IL7: variants seen among roughly 807,000 people sequenced by gnomAD.
The protein encoded by IL7 is interleukin-7.
IL7 carries 3 observed loss-of-function variants against 21.6 expected under a neutral mutation model. The ratio of observed to expected loss-of-function variants is 0.14; its 90% CI spans 0.06 to 0.36. IL7 has a LOEUF of 0.36. Ranked by LOEUF, IL7 falls within the 10% of genes least tolerant of loss-of-function variation. The pLI is 1.00. For synonymous variants in IL7, 62 were observed against 68.1 expected (o/e 0.91, Z 0.44); for missense variants, 175 against 200.2 (o/e 0.87, Z 0.76).
At chr8:78,768,252 G>C (rs903919144) in intron 2 of IL7, among the ~76,000 whole-genome samples, 2 of 152,116 alleles carry the variant, frequency 1.3e-5, no homozygotes, top group Non-Finnish European at 2.9e-5. Context: ...TGTCTTTATA[G>C]CAGCATGATT....
At chr8:78,757,804 C>T (rs1437409968) in intron 2 of IL7, among the ~76,000 whole-genome samples, 2 of 151,954 alleles carry the variant, frequency 1.3e-5, no homozygotes, top group Non-Finnish European at 2.9e-5. Context: ...TGTCCTCACC[C>T]AAATCTCATC....
intron 2 of IL7, chr8:78,746,902 T>A (rs1246696819): frequency 2.7e-6 from 1 of 370,584 alleles, no homozygotes; most frequent in African/African-American, 2.1e-5. Context: ...ACCCAATTTC[T>A]GTATTCTTTG....
intron 4 of IL7, among the ~76,000 whole-genome samples, chr8:78,682,462 CAA>C (rs759156179): frequency 2.0e-5 from 3 of 152,112 alleles, no homozygotes; most frequent in African/African-American, 7.2e-5. Flanking sequence ...TGGCGGCAGA[CAA>C]GAGCAGGGGA....
At chr8:78,710,784 A>G (rs1810927663) in intron 3 of IL7, among the ~76,000 whole-genome samples, 1 of 152,068 alleles carries the variant, frequency 6.6e-6, no homozygotes, top group Non-Finnish European at 1.5e-5. Flanking sequence ...TACTTAATAC[A>G]TTTATTTAAT....
chr8:78,710,190 G>A lies in IL7; in HGVS notation n.214+11158C>T, dbSNP rs1459938364. Among the ~76,000 whole-genome samples, 4 of 152,084 alleles carry A rather than the reference G, an allele frequency of 2.6e-5. No individual in the cohort carries two copies. In the East Asian group the frequency reaches 7.7e-4, roughly 29 times the overall value. Reference sequence around the variant, plus strand: ...AGATTTATAGATTTTGTTTTTGATAGCCTAATGGCAACTTAGAATGTAAGT... The same window carrying A: ...AGATTTATAGATTTTGTTTTTGATAACCTAATGGCAACTTAGAATGTAAGT... On this transcript the variant is annotated intron_variant and non_coding_transcript_variant, in intron 3 of 4. Coordinates refer to the IL7 transcript ENST00000523959.
At chr8:78,745,049 G>A (rs189962855) in intron 2 of IL7, among the ~76,000 whole-genome samples, 3 of 152,128 alleles carry the variant, frequency 2.0e-5, no homozygotes, top group African/African-American at 4.8e-5. Flanking sequence ...GTATTTACTC[G>A]CCCTTTTGTC....
intron 2 of IL7, chr8:78,761,074 T>C: frequency 6.2e-7 from 1 of 1,610,208 alleles, no homozygotes; most frequent in Admixed American, 1.7e-5. Flanking sequence ...TGTCACTATT[T>C]ATACCATCTA....
chr8:78,760,418 T>A (rs41308465), intron 2 of IL7: 4 of 1,598,058 alleles, frequency 2.5e-6, no homozygotes, highest in East Asian at 2.2e-5. Flanking sequence ...AAACTTGATG[T>A]CAGGCAGTTG....
chr8:78,733,757 T>C lies in IL7; in HGVS notation c.490A>G (p.Lys164Glu). The C allele has an allele frequency of 6.2e-7, 1 of 1,602,256 alleles. No homozygotes were observed. Among genetic ancestry groups the C allele is most frequent in the South Asian group, 1.1e-5 (1 of 88,292 alleles). Residue 164 changes from lysine to glutamate, a missense_variant, in exon 6 of 6, where the codon AAA becomes GAA. Physicochemically the swap from Lys to Glu is moderately conservative, Grantham distance 56. Coordinates refer to ENST00000263851, the MANE Select transcript of IL7 (RefSeq NM_000880.4). ...CFLKRLLQEI[K>E]TCWNKILMGT... ...ATCAAAATTTTATTCCAACAAGTTTTTATCTCTTGTAATAGTCTCTTTAGG... is the reference window on the plus strand; with the variant it reads ...ATCAAAATTTTATTCCAACAAGTTTCTATCTCTTGTAATAGTCTCTTTAGG...
chr8:78,716,357 T>C (rs1481798866), downstream of IL7, among the ~76,000 whole-genome samples: 1 of 151,882 alleles, frequency 6.6e-6, no homozygotes, highest in Non-Finnish European at 1.5e-5. Flanking sequence ...TCTCCTGACC[T>C]CATGATCCAC....
intron 2 of IL7, among the ~76,000 whole-genome samples, chr8:78,750,098 G>A (rs763377002): frequency 6.6e-6 from 1 of 152,018 alleles, no homozygotes; most frequent in African/African-American, 2.4e-5. Context: ...CTAAACTCAA[G>A]GGTGACTATT....
At chr8:78,698,021 A>G (rs1810487035) in intron 3 of IL7, among the ~76,000 whole-genome samples, 1 of 151,950 alleles carries the variant, frequency 6.6e-6, no homozygotes, top group Admixed American at 6.6e-5. Context: ...TTGGCCCCAG[A>G]TGTTGTTATT....
intron 2 of IL7, chr8:78,746,803 G>C (rs1811993662): frequency 2.9e-6 from 1 of 341,246 alleles, no homozygotes; most frequent in Non-Finnish European, 5.7e-6. Context: ...CTGACTGATA[G>C]AGAACTATTG....
intron 2 of IL7, chr8:78,746,776 T>C (rs1811992850): frequency 6.0e-6 from 2 of 333,364 alleles, no homozygotes; most frequent in Admixed American, 4.2e-5. Context: ...TGTGTGTGTA[T>C]GTGTTTGTAG....
chr8:78,787,451 T>C (rs768204868), intron 2 of IL7, among the ~76,000 whole-genome samples: 5 of 152,212 alleles, frequency 3.3e-5, no homozygotes, highest in African/African-American at 4.8e-5. Context: ...CTATGTTGAT[T>C]GTTGTTGAGG....
intron 3 of IL7, among the ~76,000 whole-genome samples, chr8:78,697,765 G>A (rs952087525): frequency 6.0e-5 from 9 of 149,172 alleles, no homozygotes; most frequent in Non-Finnish European, 1.2e-4. Context: ...TGCAACCTTC[G>A]CCTCCCAGGT....
intron 3 of IL7, among the ~76,000 whole-genome samples, chr8:78,725,622 TG>T (rs1811326538): frequency 6.6e-6 from 1 of 152,042 alleles, no homozygotes. Context: ...GCTGTAGTAA[TG>T]GGGGATGTGT....
intron 4 of IL7, among the ~76,000 whole-genome samples, chr8:78,682,084 A>G (rs1809806867): frequency 6.6e-6 from 1 of 152,096 alleles, no homozygotes; most frequent in African/African-American, 2.4e-5. Context: ...GATTCAACAC[A>G]TAATTCTTGA....
chr8:78,781,260 T>A lies in IL7; in HGVS notation c.147+16812A>T, dbSNP rs114550353. On this transcript the variant is annotated intron_variant, in intron 2 of 5. Transcript: ENST00000263851. ...ATGTGTGCAGTTGATCTTGTCACCA[T>A]GATGCTAGCTGGTTATTTTACAGAC... Among the ~76,000 whole-genome samples, 989 of 152,334 alleles carry A rather than the reference T, an allele frequency of 6.5e-3. 13 individuals are homozygous for A. The highest frequency in any genetic ancestry group is 0.022 in the African/African-American group (901 of 41,564).
Sources: gnomAD v4.1 joint callset for allele counts (sites outside exome capture counted in the v4.1 genomes callset) on GRCh38, gnomAD v4.1.1 for gene constraint, MANE v1.5 for transcripts, NCBI Gene and HGNC (gene_info 2026-07-23, HGNC 2026-07-21) for gene names.